The following TRIM51G variants were observed in gnomAD, a reference collection of about 807,000 sequenced individuals.
The protein encoded by TRIM51G is tripartite motif-containing protein 51G.
At chr11:48,981,305 A>G in the TRIM51G span, 2 of 1,606,120 alleles carry the variant, frequency 1.2e-6, no homozygotes, top group East Asian at 2.2e-5. Context: ...TCAGCAGCCC[A>G]CTCAGTGGGA....
chr11:48,977,275 T>C, the TRIM51G span: 4 of 637,008 alleles, frequency 6.3e-6, no homozygotes, highest in Admixed American at 9.7e-5. Flanking sequence ...TGAGAATCCC[T>C]TTAACCCACA....
At chr11:48,981,309 A>G in the TRIM51G span, 16 of 1,606,208 alleles carry the variant, frequency 1.0e-5, no homozygotes, top group Non-Finnish European at 1.4e-5. Flanking sequence ...CAGCCCACTC[A>G]GTGGGACAGT....
chr11:48,979,568 T>G, the TRIM51G span, among the ~76,000 whole-genome samples: 1 of 152,182 alleles, frequency 6.6e-6, no homozygotes, highest in Non-Finnish European at 1.5e-5. Flanking sequence ...TTTATTCTCT[T>G]CCAAACTCAC....
the TRIM51G span, chr11:48,975,567 C>A: frequency 7.3e-7 from 1 of 1,377,126 alleles, no homozygotes; most frequent in Non-Finnish European, 1.0e-6. Flanking sequence ...TGGTGTATAT[C>A]AGGGAACTTC....
At chr11:48,975,970 G>A in the TRIM51G span, 1 of 704,274 alleles carries the variant, frequency 1.4e-6, no homozygotes, top group East Asian at 2.8e-5. Context: ...ATGACTACTG[G>A]CTCTTGCATG....
the TRIM51G span, chr11:48,981,412 G>T: frequency 6.2e-7 from 1 of 1,607,792 alleles, no homozygotes; most frequent in South Asian, 1.1e-5. Flanking sequence ...CTCTCTGTGC[G>T]TCCCACATAT....
the TRIM51G span, among the ~76,000 whole-genome samples, chr11:48,976,384 G>C: frequency 6.6e-6 from 1 of 152,076 alleles, no homozygotes; most frequent in African/African-American, 2.4e-5. Context: ...AGAATGGGAA[G>C]ATTTTAGCTT....
the TRIM51G span, among the ~76,000 whole-genome samples, chr11:48,976,718 A>G: frequency 6.6e-6 from 1 of 152,266 alleles, no homozygotes; most frequent in East Asian, 1.9e-4. Context: ...TCCCCAATGA[A>G]ATGTTTTTAA....
the TRIM51G span, among the ~76,000 whole-genome samples, chr11:48,977,772 C>CCA: frequency 6.6e-6 from 1 of 152,060 alleles, no homozygotes; most frequent in Non-Finnish European, 1.5e-5. Flanking sequence ...TACTTTGTAG[C>CCA]CATGTAGTAA....
At chr11:48,977,182 C>A in the TRIM51G span, 2 of 1,263,654 alleles carry the variant, frequency 1.6e-6, no homozygotes, top group Non-Finnish European at 2.3e-6. Context: ...GGGACTCATA[C>A]CTGCAAGGAG....
the TRIM51G span, chr11:48,981,486 C>T: frequency 2.5e-6 from 4 of 1,606,998 alleles, no homozygotes; most frequent in South Asian, 3.3e-5. Flanking sequence ...CCATGTTCTT[C>T]AAACAAATGT....
chr11:48,981,037 A>G, the TRIM51G span: 3 of 662,580 alleles, frequency 4.5e-6, no homozygotes, highest in Admixed American at 2.2e-5. Flanking sequence ...ACAAGTGAAG[A>G]CAATAAAGTA....
chr11:48,976,312 T>C, the TRIM51G span, among the ~76,000 whole-genome samples: 1 of 152,144 alleles, frequency 6.6e-6, no homozygotes, highest in Admixed American at 6.6e-5. Flanking sequence ...GCCCTTTAGC[T>C]ATCAAGGTAA....
chr11:48,981,511 C>T, the TRIM51G span: 5 of 1,605,554 alleles, frequency 3.1e-6, no homozygotes, highest in South Asian at 4.4e-5. Context: ...TTTGAGGTTT[C>T]TCTGCCGTGT....
At chr11:48,982,546 A>G in the TRIM51G span, among the ~76,000 whole-genome samples, 3 of 152,008 alleles carry the variant, frequency 2.0e-5, no homozygotes, top group Non-Finnish European at 4.4e-5. Flanking sequence ...ACACTATCCA[A>G]TCAGCTGGTA....
chr11:48,975,529 A>C, the TRIM51G span: 2 of 1,396,052 alleles, frequency 1.4e-6, no homozygotes, highest in Non-Finnish European at 2.0e-6. Context: ...GATAGGCCAG[A>C]GAGGAGGTGA....
chr11:48,982,645 C>T, the TRIM51G span, among the ~76,000 whole-genome samples: 5 of 151,280 alleles, frequency 3.3e-5, no homozygotes, highest in Admixed American at 6.6e-5. Flanking sequence ...ATTGGTATCT[C>T]CAGGACACTA....
At chr11:48,976,031 T>C in the TRIM51G span, 7 of 466,510 alleles carry the variant, frequency 1.5e-5, no homozygotes, top group Non-Finnish European at 2.4e-5. Flanking sequence ...TATAGATACA[T>C]GTAATTAACA....
chr11:48,977,587 G>A, the TRIM51G span, among the ~76,000 whole-genome samples: 1 of 152,130 alleles, frequency 6.6e-6, no homozygotes, highest in Non-Finnish European at 1.5e-5. Context: ...CGTGCTCCAG[G>A]CAGGGAGATC....
Sources: allele counts gnomAD v4.1 joint callset (sites outside exome capture counted in the v4.1 genomes callset), GRCh38; gene constraint gnomAD v4.1.1; transcripts MANE v1.5; gene names NCBI Gene and HGNC (gene_info 2026-07-23, HGNC 2026-07-21).